PTP4A1: variants seen among roughly 807,000 people sequenced by gnomAD.
PTP4A1 encodes the protein protein tyrosine phosphatase type IVA 1.
In PTP4A1, 9 loss-of-function variants were observed where a neutral mutation model predicts 20.5. The observed-to-expected ratio is 0.44, with a 90% CI of 0.26 to 0.77. The LOEUF is 0.77. Ranked by LOEUF, PTP4A1 falls within the 30% of genes least tolerant of loss-of-function variation. The probability of loss-of-function intolerance (pLI) is 0.19; values close to 1 mark genes in which losing one functional copy is unlikely to be tolerated. For missense variants in PTP4A1, 137 were observed against 218.8 expected (o/e 0.63, Z 2.36); for synonymous variants, 78 against 67.4 (o/e 1.16, Z -0.77).
At chr6:63,562,106 A>G (rs577157707) in intron 3 of PTP4A1, among the ~76,000 whole-genome samples, 33 of 151,756 alleles carry the variant, frequency 2.2e-4, no homozygotes, top group Middle Eastern at 6.8e-3. Context: ...ACCTGTTAAC[A>G]TTTTAGTTTA....
chr6:63,547,270 A>T (rs935347171), intron 2 of PTP4A1, among the ~76,000 whole-genome samples: 1 of 150,774 alleles, frequency 6.6e-6, no homozygotes, highest in African/African-American at 2.4e-5. Flanking sequence ...GCACACTGCA[A>T]CCTGCGCCTC....
chr6:63,531,399 A>AG (rs1179322233), intron 2 of PTP4A1, among the ~76,000 whole-genome samples: 1 of 103,602 alleles, frequency 9.7e-6, no homozygotes, highest in Admixed American at 9.5e-5. Context: ...TTATTTGGAA[A>AG]GAAAAAACAT....
At chr6:63,518,858 C>T (rs923120199), upstream of PTP4A1, among the ~76,000 whole-genome samples, 4 of 152,100 alleles carry the variant, frequency 2.6e-5, no homozygotes, top group African/African-American at 7.2e-5. Flanking sequence ...GAAAAGGTAA[C>T]TCTTGAAGAC....
At chr6:63,578,559 T>C in intron 3 of PTP4A1, 30 bp downstream of exon 3, 1 of 1,599,960 alleles carries the variant, frequency 6.3e-7, no homozygotes, top group Admixed American at 1.8e-5. Flanking sequence ...TATGGGTTTA[T>C]GGTGCTGTGC....
At chr6:63,544,105 A>G (rs1294048962) in intron 2 of PTP4A1, among the ~76,000 whole-genome samples, 1 of 152,112 alleles carries the variant, frequency 6.6e-6, no homozygotes, top group Non-Finnish European at 1.5e-5. Flanking sequence ...CCCTAATTCT[A>G]CTTACAATTG....
intron 3 of PTP4A1, among the ~76,000 whole-genome samples, chr6:63,559,008 C>T (rs1776811472): frequency 6.6e-6 from 1 of 152,138 alleles, no homozygotes. Flanking sequence ...ATATCAAAGG[C>T]CATAAGGATG....
At chr6:63,540,034 A>G (rs1293381491) in intron 2 of PTP4A1, among the ~76,000 whole-genome samples, 3 of 152,164 alleles carry the variant, frequency 2.0e-5, no homozygotes, top group Non-Finnish European at 4.4e-5. Context: ...CCAGAAGACA[A>G]TCTAGAGTTT....
At chr6:63,579,685 A>G (rs530926099) in intron 5 of PTP4A1, among the ~76,000 whole-genome samples, 4 of 152,328 alleles carry the variant, frequency 2.6e-5, no homozygotes, top group African/African-American at 4.8e-5. Flanking sequence ...TAACCATCCA[A>G]TACAACACAT....
intron 2 of PTP4A1, among the ~76,000 whole-genome samples, chr6:63,536,465 A>G (rs1193919552): frequency 6.6e-6 from 1 of 152,254 alleles, no homozygotes; most frequent in African/African-American, 2.4e-5. Context: ...TTTCCCAGAC[A>G]GAGTGAATTA....
At chr6:63,547,747 A>AAG (rs1216567460) in intron 2 of PTP4A1, among the ~76,000 whole-genome samples, 4 of 133,052 alleles carry the variant, frequency 3.0e-5, no homozygotes, top group South Asian at 2.5e-4. Flanking sequence ...TCCTGACCTC[A>AAG]TGATCCACCC....
intron 1 of PTP4A1, among the ~76,000 whole-genome samples, chr6:63,525,583 C>T (rs1411228735): frequency 6.6e-6 from 1 of 152,188 alleles, no homozygotes. Context: ...CTCCACTGGA[C>T]TCTCCTCTGC....
chr6:63,553,083 G>A (rs940510781), intron 3 of PTP4A1, among the ~76,000 whole-genome samples: 3 of 152,188 alleles, frequency 2.0e-5, no homozygotes, highest in Non-Finnish European at 4.4e-5. Flanking sequence ...CAGTTGCAAA[G>A]TAGTAGAGAG....
At chr6:63,543,061 C>G (rs1008066859) in intron 2 of PTP4A1, among the ~76,000 whole-genome samples, 19 of 152,172 alleles carry the variant, frequency 1.2e-4, no homozygotes, top group African/African-American at 4.6e-4. Context: ...CTTTTTTCAA[C>G]TATATCCCCC....
intron 2 of PTP4A1, among the ~76,000 whole-genome samples, chr6:63,540,173 T>C (rs1310129685): frequency 6.6e-6 from 1 of 152,196 alleles, no homozygotes; most frequent in African/African-American, 2.4e-5. Context: ...GTGTGCATGG[T>C]TGGAGAGTGA....
intron 3 of PTP4A1, 134 bp from the exon 4 acceptor site, chr6:63,578,764 A>G: frequency 3.5e-6 from 4 of 1,137,594 alleles, no homozygotes; most frequent in Non-Finnish European, 4.7e-6. Context: ...TTGGTAGACA[A>G]CAGGGTTTAA....
chr6:63,578,854 T>TG, intron 3 of PTP4A1, 44 bp from the exon 4 acceptor site: 1 of 1,436,576 alleles, frequency 7.0e-7, no homozygotes, highest in East Asian at 2.4e-5. Flanking sequence ...TACTACAGTG[T>TG]TTATATTAAT....
At chr6:63,530,457 T>C (rs1329951897) in intron 2 of PTP4A1, among the ~76,000 whole-genome samples, 2 of 152,118 alleles carry the variant, frequency 1.3e-5, no homozygotes, top group African/African-American at 2.4e-5. Context: ...TAGGTAAACA[T>C]GAAGGCTTAG....
chr6:63,543,127 T>C (rs541901760), intron 2 of PTP4A1, among the ~76,000 whole-genome samples: 1 of 152,314 alleles, frequency 6.6e-6, no homozygotes, highest in East Asian at 1.9e-4. Context: ...ATCATTTCAT[T>C]CACAAATTAG....
intron 1 of PTP4A1, among the ~76,000 whole-genome samples, chr6:63,573,009 C>T (rs1303441412): frequency 2.0e-5 from 3 of 152,102 alleles, no homozygotes; most frequent in African/African-American, 4.8e-5. Context: ...CGGCGCGGTC[C>T]GGCTTCTGCG....
Sources: allele counts gnomAD v4.1 joint callset (sites outside exome capture counted in the v4.1 genomes callset), GRCh38; gene constraint gnomAD v4.1.1; transcripts MANE v1.5; gene names NCBI Gene and HGNC (gene_info 2026-07-23, HGNC 2026-07-21).